The following CDC45 variants were observed in gnomAD, a reference collection of about 807,000 sequenced individuals.
The protein encoded by CDC45 is cell division cycle 45, also known as cell division control protein 45 homolog.
CDC45 carries 54 observed loss-of-function variants against 77.8 expected under a neutral mutation model. The observed-to-expected ratio is 0.69, with a 90% CI of 0.56 to 0.87. The LOEUF is 0.87. Among genes scored for constraint, CDC45 ranks in the 40% least tolerant of loss-of-function variants. The pLI, the probability that CDC45 is intolerant of heterozygous loss-of-function variation, is 0.00. For missense variants in CDC45, 649 were observed against 721.6 expected, an observed-to-expected ratio of 0.90 and a Z score of 1.15; for synonymous variants, 260 against 272.1, an observed-to-expected ratio of 0.96 and a Z score of 0.44.
chr22:19,515,934 A>G (rs1304082898), intron 15 of CDC45, among the ~76,000 whole-genome samples: 1 of 152,184 alleles, frequency 6.6e-6, no homozygotes, highest in African/African-American at 2.4e-5. Flanking sequence ...CCTGGTGCAC[A>G]TCCTGGGACA....
intron 12 of CDC45, 121 bp from the exon 13 acceptor site, chr22:19,508,409 A>G (rs1244988168): frequency 3.9e-6 from 4 of 1,033,308 alleles, no homozygotes; most frequent in Admixed American, 1.8e-5. Flanking sequence ...TCTGAGCAGC[A>G]TGGCTGTGCT....
intron 11 of CDC45, 104 bp downstream of exon 11, chr22:19,507,621 C>A: frequency 6.9e-7 from 1 of 1,456,042 alleles, no homozygotes; most frequent in African/African-American, 1.4e-5. Context: ...GCAGCCTGTT[C>A]TGCCATAAGC....
intron 5 of CDC45, among the ~76,000 whole-genome samples, chr22:19,486,711 C>T (rs1017825762): frequency 6.6e-6 from 1 of 152,248 alleles, no homozygotes; most frequent in Admixed American, 6.5e-5. Flanking sequence ...GAGACGGAGT[C>T]TCGCTCTGTC....
At chr22:19,484,069 C>T (rs2090027775) in intron 5 of CDC45, 64 bp downstream of exon 5, 3 of 1,495,726 alleles carry the variant, frequency 2.0e-6, no homozygotes, top group Non-Finnish European at 2.7e-6. Context: ...GGAGGTCATC[C>T]TGAAGCCTGC....
chr22:19,516,502 C>G, intron 15 of CDC45, 25 bp from the exon 16 acceptor site: 1 of 1,583,462 alleles, frequency 6.3e-7, no homozygotes, highest in Non-Finnish European at 8.7e-7. Flanking sequence ...CATACCCTGA[C>G]GGAGGGTGCT....
In CDC45 at chr22:19,484,010, G is replaced by T. The variant is rs546620592; in HGVS notation, c.486+5G>T. On this transcript the variant is annotated splice_donor_5th_base_variant and intron_variant, in intron 5 of 18. Transcript: ENST00000263201. ...AAGCGCACACGGTTAGAAGAGGTGA[G>T]TTTGGGTCTCTCACAGCTATCCCAG... 9 of 1,591,518 alleles carry T rather than the reference G, an allele frequency of 5.7e-6. No homozygotes were observed. Among genetic ancestry groups the T allele is most frequent in the Non-Finnish European group, 7.7e-6 (9 of 1,174,022 alleles).
intron 1 of CDC45, 67 bp from the exon 2 acceptor site, chr22:19,480,091 G>T (rs894503874): frequency 8.1e-6 from 13 of 1,611,960 alleles, no homozygotes; most frequent in Non-Finnish European, 8.5e-6. Context: ...GACCGTGGGT[G>T]ACCGGGAGGC....
At chr22:19,494,097 T>C (rs970507055) in intron 5 of CDC45, among the ~76,000 whole-genome samples, 1 of 152,144 alleles carries the variant, frequency 6.6e-6, no homozygotes, top group African/African-American at 2.4e-5. Flanking sequence ...GCCCCTACTC[T>C]TTCTGCCCAT....
At chr22:19,479,596 G>A (rs953464591), upstream of CDC45, 3 of 602,400 alleles carry the variant, frequency 5.0e-6, no homozygotes, top group Admixed American at 4.3e-5. Flanking sequence ...TTAATGTATG[G>A]TTAGAAGTAT....
chr22:19,491,997 G>A (rs1264558841), intron 5 of CDC45, among the ~76,000 whole-genome samples: 1 of 151,972 alleles, frequency 6.6e-6, no homozygotes, highest in African/African-American at 2.4e-5. Flanking sequence ...GTAGAGATGA[G>A]GTTTTTCCAT....
intron 5 of CDC45, among the ~76,000 whole-genome samples, chr22:19,489,279 A>G (rs2090119680): frequency 6.6e-6 from 1 of 151,972 alleles, no homozygotes; most frequent in African/African-American, 2.4e-5. Flanking sequence ...GAATATGTCT[A>G]TTCCATTTAT....
chr22:19,493,232 T>TG (rs60141730), intron 5 of CDC45, among the ~76,000 whole-genome samples: 3 of 63,726 alleles, frequency 4.7e-5, no homozygotes, highest in Admixed American at 1.7e-4. Flanking sequence ...TGTGGGTTTT[T>TG]TTTTTTGTTG....
intron 9 of CDC45, among the ~76,000 whole-genome samples, chr22:19,499,475 T>G (rs1381001738): frequency 2.0e-5 from 3 of 147,638 alleles, no homozygotes; most frequent in South Asian, 2.1e-4. Context: ...TTGCAGTAGG[T>G]GGGGGGATGG....
intron 9 of CDC45, 182 bp from the exon 10 acceptor site, chr22:19,505,180 A>T: frequency 1.5e-6 from 1 of 654,500 alleles, no homozygotes; most frequent in Non-Finnish European, 2.6e-6. Context: ...GCTCCATCCA[A>T]TCATGTTTTC....
intron 6 of CDC45, chr22:19,494,630 C>T (rs766622291): frequency 2.9e-6 from 4 of 1,394,206 alleles, no homozygotes; most frequent in African/African-American, 2.9e-5. Flanking sequence ...GAGACCATGG[C>T]CCTGGCTCTT....
intron 13 of CDC45, among the ~76,000 whole-genome samples, chr22:19,509,391 A>T (rs1933393270): frequency 6.6e-6 from 1 of 152,222 alleles, no homozygotes. Context: ...AGTGGTGAAG[A>T]TGCATTACTG....
intron 5 of CDC45, among the ~76,000 whole-genome samples, chr22:19,489,038 T>C (rs2090116146): frequency 6.6e-6 from 1 of 152,056 alleles, no homozygotes; most frequent in African/African-American, 2.4e-5. Context: ...TAGCCAGGTG[T>C]GGTGGTGCAC....
At chr22:19,480,255 G>A (rs770856992) in intron 2 of CDC45, 38 bp downstream of exon 2, 1 of 1,591,420 alleles carries the variant, frequency 6.3e-7, no homozygotes, top group Non-Finnish European at 8.6e-7. Context: ...GGGCCGGCGC[G>A]CGAGGTGAGG....
At chr22:19,499,864 G>A (rs549463137) in intron 9 of CDC45, among the ~76,000 whole-genome samples, 3 of 152,324 alleles carry the variant, frequency 2.0e-5, no homozygotes, top group Admixed American at 6.5e-5. Flanking sequence ...GATGTCCCCA[G>A]GCTGTCACCT....
Sources: allele counts gnomAD v4.1 joint callset (sites outside exome capture counted in the v4.1 genomes callset), GRCh38; gene constraint gnomAD v4.1.1; transcripts MANE v1.5; gene names NCBI Gene and HGNC (gene_info 2026-07-23, HGNC 2026-07-21).